Variants in SPOCK3 observed in about 807,000 individuals in gnomAD.
SPOCK3 encodes testican-3.
A neutral mutation model predicts 56.6 loss-of-function variants in SPOCK3; 30 were observed. The observed-to-expected ratio is 0.53, with a 90% CI of 0.40 to 0.72. The LOEUF is 0.72. SPOCK3 is among the 30% of genes least tolerant of loss of function. SPOCK3 has a pLI of 0.00. For synonymous variants in SPOCK3, 196 were observed against 183.3 expected (o/e 1.07, Z -0.56); for missense variants, 527 against 530.0 (o/e 0.99, Z 0.06).
intron 2 of SPOCK3, among the ~76,000 whole-genome samples, chr4:167,120,172 C>T (rs1368570163): frequency 6.6e-6 from 1 of 151,974 alleles, no homozygotes; most frequent in Non-Finnish European, 1.5e-5. Flanking sequence ...GACTCTGGAT[C>T]CAGGGTTTCT....
In SPOCK3 at chr4:166,880,073, C is replaced by T. The variant is rs142893963; in HGVS notation, c.589+9057G>A. On this transcript the variant is annotated intron_variant, in intron 6 of 10. Transcript: ENST00000357545. ...TCTTTTCTTTATAAATTACCAATCT[C>T]AGGTATTTATTTATGGAAGTGCAAG... Among the ~76,000 whole-genome samples, 28 of 152,278 alleles carry T rather than the reference C, an allele frequency of 1.8e-4. No homozygotes were observed. In the East Asian group the frequency reaches 4.6e-3, roughly 25 times the overall value.
intron 2 of SPOCK3, among the ~76,000 whole-genome samples, chr4:167,119,486 C>G (rs942822216): frequency 3.3e-5 from 5 of 152,058 alleles, no homozygotes; most frequent in African/African-American, 1.2e-4. Flanking sequence ...CAATAAATAA[C>G]AGGTTACTAA....
At chr4:166,948,695 T>C (rs1294221963) in intron 4 of SPOCK3, among the ~76,000 whole-genome samples, 4 of 152,140 alleles carry the variant, frequency 2.6e-5, no homozygotes, top group Admixed American at 6.6e-5. Flanking sequence ...ACTTGTAGAG[T>C]TTCTGCTGAG....
chr4:166,749,865 G>A (rs905111589), intron 8 of SPOCK3, among the ~76,000 whole-genome samples: 1 of 151,902 alleles, frequency 6.6e-6, no homozygotes, highest in Non-Finnish European at 1.5e-5. Context: ...TGACATTTAA[G>A]AACTAAGAGG....
chr4:167,100,487 TCACA>T (rs141060778), intron 2 of SPOCK3, among the ~76,000 whole-genome samples: 5 of 147,704 alleles, frequency 3.4e-5, no homozygotes, highest in African/African-American at 4.9e-5. Flanking sequence ...TCTCTCTCTC[TCACA>T]CACACACACA....
chr4:166,878,258 T>G (rs9990722), intron 6 of SPOCK3, among the ~76,000 whole-genome samples: 11,774 of 152,178 alleles, frequency 0.077, 544 homozygotes, highest in Non-Finnish European at 0.1. Flanking sequence ...CACCCTGGGC[T>G]ACAGAGCAAG....
rs148284451 is a variant in SPOCK3 at position 167,097,690 on chromosome 4, T to A, written c.190-35153A>T. On this transcript the variant is annotated intron_variant, in intron 2 of 10. Transcript: ENST00000357545. Reference sequence around the variant, plus strand: ...TGAGCCTATTGACCCAGAAATCTCATTATTGGGTATATACCCAAAAGAAAA... The same window carrying A: ...TGAGCCTATTGACCCAGAAATCTCAATATTGGGTATATACCCAAAAGAAAA... Among the ~76,000 whole-genome samples the A allele has an allele frequency of 1.7e-4, 26 of 152,044 alleles. No homozygotes were observed. In the East Asian group the frequency reaches 2.7e-3, roughly 16 times the overall value.
intron 4 of SPOCK3, 65 bp from the exon 5 acceptor site, chr4:166,912,808 C>A: frequency 1.5e-6 from 2 of 1,377,076 alleles, no homozygotes; most frequent in South Asian, 1.6e-5. Context: ...TATATTAGCT[C>A]ATTCCTCTCC....
At chr4:166,901,446 C>T (rs555265520) in intron 5 of SPOCK3, among the ~76,000 whole-genome samples, 10 of 152,152 alleles carry the variant, frequency 6.6e-5, no homozygotes, top group South Asian at 2.1e-4. Flanking sequence ...AAGTTCTTTT[C>T]GTAACAGGAG....
intron 2 of SPOCK3, among the ~76,000 whole-genome samples, chr4:167,150,511 G>A (rs1039924688): frequency 6.6e-6 from 1 of 152,056 alleles, no homozygotes. Flanking sequence ...TGGAAAGAGT[G>A]GAAGACACAG....
At chr4:167,130,374 G>T (rs1428436125) in intron 2 of SPOCK3, among the ~76,000 whole-genome samples, 28 of 151,870 alleles carry the variant, frequency 1.8e-4, no homozygotes, top group Non-Finnish European at 2.9e-5. Context: ...CTGGAAAAAA[G>T]CATATTTTAC....
At chr4:166,941,202 C>T (rs1741023962) in intron 4 of SPOCK3, among the ~76,000 whole-genome samples, 1 of 151,778 alleles carries the variant, frequency 6.6e-6, no homozygotes, top group Non-Finnish European at 1.5e-5. Context: ...TAGAAAAAAG[C>T]TGGTCAATTT....
intron 2 of SPOCK3, among the ~76,000 whole-genome samples, chr4:167,075,436 G>C (rs914483993): frequency 2.0e-5 from 3 of 151,834 alleles, no homozygotes; most frequent in Admixed American, 6.6e-5. Context: ...CTATGACATA[G>C]AGAAATGCAG....
rs1441070587 is a variant in SPOCK3 at position 167,234,433 on chromosome 4, G to T, written c.-1+17C>A. ...CAGCAGCCCGAGCGGGCACAAAACC[G>T]CTTCCTGGCACATCACCTTGTTGTG... On this transcript the variant is annotated intron_variant, in intron 1 of 10. Transcript: ENST00000357545. 3.6e-6 allele frequency: 2 copies of T among 557,204 alleles called. No individual in the cohort carries two copies. The highest frequency in any genetic ancestry group is 6.1e-5 in the Admixed American group (2 of 32,658). 34.5% of individuals were successfully genotyped at this position (557,204 alleles called of 1,614,324 possible). A position where few individuals can be genotyped will look rare whatever the true frequency, so the allele number is the denominator to read the frequency against.
chr4:166,747,335 C>G (rs1735768050), intron 8 of SPOCK3, among the ~76,000 whole-genome samples: 1 of 152,112 alleles, frequency 6.6e-6, no homozygotes, highest in Non-Finnish European at 1.5e-5. Context: ...TCAACCTATG[C>G]AAATCAATAA....
chr4:167,059,067 A>T lies in SPOCK3; in HGVS notation c.235+3425T>A, dbSNP rs370240881. On this transcript the variant is annotated intron_variant, in intron 3 of 10. Coordinates refer to ENST00000357545, the MANE Select transcript of SPOCK3 (RefSeq NM_001040159.2). ...AAAACCCTAGAAGAAAACCTAGGCA[A>T]TACCATTCAGGACATAGGCATGGGC... 6.4e-3 allele frequency among the ~76,000 whole-genome samples: 976 copies of T among 151,958 alleles called. 37 individuals are homozygous for T. The East Asian group carries it at 0.091, about 14-fold the overall frequency.
chr4:167,007,831 A>G (rs1354694817), intron 3 of SPOCK3, among the ~76,000 whole-genome samples: 1 of 152,156 alleles, frequency 6.6e-6, no homozygotes, highest in Non-Finnish European at 1.5e-5. Context: ...TCGTGAGTGA[A>G]GGTGACAGGA....
At chr4:167,218,745 A>T (rs1470665246) in intron 2 of SPOCK3, among the ~76,000 whole-genome samples, 1 of 152,190 alleles carries the variant, frequency 6.6e-6, no homozygotes, top group Non-Finnish European at 1.5e-5. Flanking sequence ...TATCTAGAAA[A>T]ATATGTAAAC....
chr4:167,056,603 A>C (rs1412382631), intron 3 of SPOCK3, among the ~76,000 whole-genome samples: 4 of 152,214 alleles, frequency 2.6e-5, no homozygotes, highest in Non-Finnish European at 5.9e-5. Flanking sequence ...GAGCTGATGG[A>C]GCTGAAAGCC....
Sources: gnomAD v4.1 joint callset for allele counts (sites outside exome capture counted in the v4.1 genomes callset) on GRCh38, gnomAD v4.1.1 for gene constraint, MANE v1.5 for transcripts, NCBI Gene and HGNC (gene_info 2026-07-23, HGNC 2026-07-21) for gene names.